The following ROCK1 variants were observed in gnomAD, a reference collection of about 807,000 sequenced individuals.
The protein encoded by ROCK1 is rho-associated protein kinase 1.
In ROCK1, 36 loss-of-function variants were observed where a neutral mutation model predicts 196.8. That is an observed-to-expected ratio of 0.18 (90% confidence interval 0.14 to 0.24). The LOEUF (loss-of-function observed/expected upper bound fraction) is 0.24. Ranked by LOEUF, ROCK1 falls within the 10% of genes least tolerant of loss-of-function variation. ROCK1 has a pLI of 1.00. For synonymous variants in ROCK1, 443 were observed against 515.9 expected, an observed-to-expected ratio of 0.86 and a Z score of 1.91; for missense variants, 920 against 1,562.0, an observed-to-expected ratio of 0.59 and a Z score of 6.93.
chr18:20,977,481 G>GA (rs200792749), intron 22 of ROCK1, among the ~76,000 whole-genome samples: 3,684 of 152,142 alleles, frequency 0.024, 174 homozygotes, highest in African/African-American at 0.085. Flanking sequence ...TCTCTGTTAG[G>GA]AAATGTTCTC....
rs918013756 is a variant in ROCK1, at chr18:20,950,951, G to C, written c.*433C>G. 3 of 154,478 alleles carry C rather than the reference G, an allele frequency of 1.9e-5. No homozygotes were observed. The highest frequency in any genetic ancestry group is 2.1e-4 in the South Asian group (1 of 4,844). 9.6% of individuals were successfully genotyped at this position (154,478 alleles called of 1,614,324 possible). A position where few individuals can be genotyped will look rare whatever the true frequency, so the allele number is the denominator to read the frequency against. On this transcript the variant is annotated 3_prime_UTR_variant, in exon 33 of 33. Transcript: ENST00000399799. ...TCATTAAAAAAAAAACAAAACTTCAGTTTGTCTCATTTTGAGATATTTTCT... is the reference window on the plus strand; with the variant it reads ...TCATTAAAAAAAAAACAAAACTTCACTTTGTCTCATTTTGAGATATTTTCT...
intron 1 of ROCK1, among the ~76,000 whole-genome samples, chr18:21,075,634 C>T (rs970092145): frequency 2.0e-5 from 3 of 152,024 alleles, no homozygotes; most frequent in African/African-American, 7.2e-5. Context: ...AAGAATAGAA[C>T]ACTGGGAAAC....
chr18:21,005,863 C>T lies in ROCK1; in HGVS notation c.1885+488G>A, dbSNP rs1186896698. Among the ~76,000 whole-genome samples, 5 of 152,058 alleles carry T rather than the reference C, an allele frequency of 3.3e-5. No homozygotes were observed. In the East Asian group the frequency reaches 9.7e-4, roughly 29 times the overall value. On this transcript the variant is annotated intron_variant, in intron 16 of 32. Coordinates refer to ENST00000399799, the MANE Select transcript of ROCK1 (RefSeq NM_005406.3). Reference sequence around the variant, plus strand: ...CTGCACTCCAGCCTGTGCAACAGAGCAAGTTCCTATCTCAAAAAAACGTAA... The same window carrying T: ...CTGCACTCCAGCCTGTGCAACAGAGTAAGTTCCTATCTCAAAAAAACGTAA...
chr18:20,974,002 C>G (rs1246246636), intron 22 of ROCK1, among the ~76,000 whole-genome samples: 1 of 151,894 alleles, frequency 6.6e-6, no homozygotes, highest in Non-Finnish European at 1.5e-5. Context: ...GATCTCCTGA[C>G]CTCGTGATCC....
chr18:21,103,464 A>AT (rs879261332), intron 1 of ROCK1, among the ~76,000 whole-genome samples: 135 of 146,822 alleles, frequency 9.2e-4, no homozygotes, highest in Middle Eastern at 3.6e-3. Flanking sequence ...TTATTTTATT[A>AT]TTTTTTTTTT....
chr18:21,001,335 T>A (rs2035722230), intron 16 of ROCK1, among the ~76,000 whole-genome samples: 1 of 152,228 alleles, frequency 6.6e-6, no homozygotes, highest in Non-Finnish European at 1.5e-5. Flanking sequence ...TGAAATGTTT[T>A]GGAACCACAT....
intron 2 of ROCK1, among the ~76,000 whole-genome samples, chr18:21,064,827 A>G (rs1598549497): frequency 6.6e-6 from 1 of 152,206 alleles, no homozygotes; most frequent in Non-Finnish European, 1.5e-5. Context: ...CAACCTTCTA[A>G]TATTTATTGC....
chr18:21,095,560 T>C (rs1452807438), intron 1 of ROCK1, among the ~76,000 whole-genome samples: 3 of 152,106 alleles, frequency 2.0e-5, no homozygotes, highest in Non-Finnish European at 4.4e-5. Flanking sequence ...ACAACATAGA[T>C]AGAACTCAAG....
chr18:21,083,737 T>C (rs183454178), intron 1 of ROCK1, among the ~76,000 whole-genome samples: 2 of 152,364 alleles, frequency 1.3e-5, no homozygotes, highest in Non-Finnish European at 2.9e-5. Flanking sequence ...ACAGTACATA[T>C]ATTTACATAT....
At chr18:21,015,264 T>C (rs1266096883) in intron 13 of ROCK1, among the ~76,000 whole-genome samples, 167 bp downstream of exon 13, 1 of 152,162 alleles carries the variant, frequency 6.6e-6, no homozygotes, top group Non-Finnish European at 1.5e-5. Flanking sequence ...TATAATCTAA[T>C]CTGTACCACT....
At position 21,008,129 on chromosome 18, in the gene ROCK1, C is replaced by T. The variant is rs757720271; in HGVS notation, c.1476G>A (p.Gln492=). 61 of 1,601,654 alleles carry T rather than the reference C, an allele frequency of 3.8e-5. No homozygotes were observed. Among genetic ancestry groups the T allele is most frequent in the Non-Finnish European group, 5.1e-5 (60 of 1,171,718 alleles). ...SQIEKEKMLL[Q]HRINEYQRKA... ...TTCTTTGGTACTCATTAATTCTATGCTGTAGCAACATTTTCTCCTTCTCAA... is the reference window on the plus strand; with the variant it reads ...TTCTTTGGTACTCATTAATTCTATGTTGTAGCAACATTTTCTCCTTCTCAA... The change falls in exon 14 of 33, where the codon CAG becomes CAA. Residue 492 remains glutamine (Q), a synonymous_variant. Coordinates refer to ENST00000399799, the MANE Select transcript of ROCK1 (RefSeq NM_005406.3).
chr18:20,947,098 A>G lies in ROCK1; in HGVS notation c.*4286T>C, dbSNP rs1019291404. 6.6e-6 allele frequency: 1 copy of G among 152,246 alleles called. No individual in the cohort carries two copies. The allele number at this position is 152,246 out of a possible 1,614,324, so 9.4% of individuals were successfully genotyped here. A position where few individuals can be genotyped will look rare whatever the true frequency, so the allele number is the denominator to read the frequency against. On this transcript the variant is annotated 3_prime_UTR_variant, in exon 33 of 33. Coordinates refer to ENST00000399799, the MANE Select transcript of ROCK1 (RefSeq NM_005406.3). ...TGGGAAACAGTATAGCTTGGGAGAA[A>G]GTATCATATCTTAATTCTCATAAGA...
At chr18:21,047,759 T>C (rs549755815) in intron 4 of ROCK1, among the ~76,000 whole-genome samples, 38 of 151,742 alleles carry the variant, frequency 2.5e-4, no homozygotes, top group African/African-American at 8.7e-4. Context: ...GATCGCACCA[T>C]TGCACTCCGG....
At chr18:21,052,818 T>C (rs903039144) in intron 2 of ROCK1, among the ~76,000 whole-genome samples, 23 of 152,084 alleles carry the variant, frequency 1.5e-4, no homozygotes, top group African/African-American at 5.1e-4. Flanking sequence ...ATCCTGTCCA[T>C]AGAAACACTG....
chr18:20,974,437 TA>T (rs2035460355), intron 22 of ROCK1, among the ~76,000 whole-genome samples: 1 of 152,224 alleles, frequency 6.6e-6, no homozygotes, highest in Non-Finnish European at 1.5e-5. Context: ...TGTGTTAAGA[TA>T]AAAGTATCTG....
At chr18:21,087,846 T>C (rs181097731) in intron 1 of ROCK1, among the ~76,000 whole-genome samples, 274 of 152,316 alleles carry the variant, frequency 1.8e-3, no homozygotes, top group Middle Eastern at 3.4e-3. Context: ...TAACCCAAAA[T>C]AGCAGAATAC....
intron 18 of ROCK1, among the ~76,000 whole-genome samples, chr18:20,988,208 G>A (rs2035593409): frequency 6.6e-6 from 1 of 152,034 alleles, no homozygotes; most frequent in South Asian, 2.1e-4. Flanking sequence ...TGAGATTACA[G>A]GTACGCACCA....
intron 32 of ROCK1, among the ~76,000 whole-genome samples, chr18:20,952,638 C>T (rs552981518): frequency 4.4e-4 from 67 of 150,840 alleles, no homozygotes; most frequent in Admixed American, 4.4e-3. Flanking sequence ...ATTAGCCAGG[C>T]GTGGCATGCG....
At chr18:21,000,939 T>TC (rs1393015738) in intron 16 of ROCK1, among the ~76,000 whole-genome samples, 1 of 152,144 alleles carries the variant, frequency 6.6e-6, no homozygotes, top group South Asian at 2.1e-4. Flanking sequence ...AAACAGGTAC[T>TC]CCAACAAATA....
Sources: allele counts gnomAD v4.1 joint callset (sites outside exome capture counted in the v4.1 genomes callset), GRCh38; gene constraint gnomAD v4.1.1; transcripts MANE v1.5; gene names NCBI Gene and HGNC (gene_info 2026-07-23, HGNC 2026-07-21).